The following CNTN4 variants were observed in gnomAD, a reference collection of about 807,000 sequenced individuals.
CNTN4 encodes the protein contactin 4.
In CNTN4, 77 loss-of-function variants were observed where a neutral mutation model predicts 122.5. That is an observed-to-expected ratio of 0.63 (90% CI 0.52 to 0.76). The LOEUF is 0.76. Among genes scored for constraint, CNTN4 ranks in the 30% least tolerant of loss-of-function variants. CNTN4 has a pLI of 0.00. For missense variants in CNTN4, 1,256 were observed against 1,259.1 expected, an observed-to-expected ratio of 1.00 and a Z score of 0.04; for synonymous variants, 512 against 447.0, an observed-to-expected ratio of 1.15 and a Z score of -1.83.
chr3:2,996,295 AT>A (rs1472085562), intron 14 of CNTN4, among the ~76,000 whole-genome samples: 1 of 152,196 alleles, frequency 6.6e-6, no homozygotes, highest in Non-Finnish European at 1.5e-5. Flanking sequence ...GTAGTTTTAT[AT>A]GTAAAATATT....
chr3:3,006,155 C>A (rs1696618953), intron 14 of CNTN4, among the ~76,000 whole-genome samples: 1 of 152,136 alleles, frequency 6.6e-6, no homozygotes, highest in South Asian at 2.1e-4. Flanking sequence ...GGATTACAGG[C>A]ATGAGCCACC....
intron 4 of CNTN4, among the ~76,000 whole-genome samples, chr3:2,598,726 G>A (rs1308858427): frequency 1.3e-5 from 2 of 152,174 alleles, no homozygotes; most frequent in African/African-American, 4.8e-5. Context: ...CAGCAGCTAA[G>A]CCTTCGCAAA....
At chr3:2,393,454 A>G (rs138686629) in intron 3 of CNTN4, among the ~76,000 whole-genome samples, 1 of 152,142 alleles carries the variant, frequency 6.6e-6, no homozygotes, top group African/African-American at 2.4e-5. Context: ...GTAATCAGTC[A>G]TTCCTTTTTA....
chr3:2,747,281 T>C (rs375168112), intron 6 of CNTN4, among the ~76,000 whole-genome samples: 12,107 of 149,796 alleles, frequency 0.081, 740 homozygotes, highest in African/African-American at 0.17. Flanking sequence ...CAGTGGCAGG[T>C]GCCTGTAGTC....
chr3:3,036,654 C>A (rs1699632795), intron 17 of CNTN4, among the ~76,000 whole-genome samples: 1 of 151,626 alleles, frequency 6.6e-6, no homozygotes, highest in African/African-American at 2.4e-5. Flanking sequence ...GTAGTCCCTG[C>A]TACTCAGGAG....
chr3:3,032,132 A>G (rs1289554414), intron 16 of CNTN4, among the ~76,000 whole-genome samples: 1 of 152,182 alleles, frequency 6.6e-6, no homozygotes, highest in African/African-American at 2.4e-5. Flanking sequence ...GCAACAGTGC[A>G]GACAAGGGCT....
chr3:2,368,375 C>T (rs1365558151), intron 3 of CNTN4, among the ~76,000 whole-genome samples: 5 of 152,042 alleles, frequency 3.3e-5, no homozygotes, highest in African/African-American at 9.7e-5. Flanking sequence ...TCTGTTTGAT[C>T]TGTGTTTTAG....
At chr3:2,551,995 T>A (rs2149366942) in intron 3 of CNTN4, among the ~76,000 whole-genome samples, 1 of 152,312 alleles carries the variant, frequency 6.6e-6, no homozygotes, top group African/African-American at 2.4e-5. Context: ...CAAGATACCT[T>A]TTCTTTCTTT....
intron 4 of CNTN4, among the ~76,000 whole-genome samples, chr3:2,728,156 T>C (rs957055083): frequency 2.0e-5 from 3 of 152,232 alleles, no homozygotes; most frequent in Admixed American, 6.5e-5. Context: ...ATTTCTACAA[T>C]CAGTGATTGA....
intron 2 of CNTN4, chr3:2,110,420 G>C (rs1490642845): frequency 6.6e-6 from 1 of 152,104 alleles, no homozygotes; most frequent in Non-Finnish European, 1.5e-5. Flanking sequence ...ATACTTAAAT[G>C]TTTTATATAT....
intron 4 of CNTN4, among the ~76,000 whole-genome samples, chr3:2,685,200 TA>T (rs2150528858): frequency 6.6e-6 from 1 of 152,232 alleles, no homozygotes; most frequent in South Asian, 2.1e-4. Flanking sequence ...GTAATGGGAA[TA>T]AAAAGGCAAG....
intron 3 of CNTN4, among the ~76,000 whole-genome samples, chr3:2,450,430 G>A (rs1282848541): frequency 6.6e-6 from 1 of 151,978 alleles, no homozygotes; most frequent in African/African-American, 2.4e-5. Flanking sequence ...TGTGTGTATA[G>A]GAGCTAGGAG....
chr3:2,634,685 A>AT (rs1176678424), intron 4 of CNTN4, among the ~76,000 whole-genome samples: 149 of 134,416 alleles, frequency 1.1e-3, no homozygotes, highest in African/African-American at 2.2e-3. Flanking sequence ...AGAAAAAAAA[A>AT]AAATATATAT....
intron 3 of CNTN4, among the ~76,000 whole-genome samples, chr3:2,558,722 C>T (rs550115952): frequency 1.7e-3 from 261 of 152,318 alleles, no homozygotes; most frequent in African/African-American, 6.0e-3. Context: ...ACTCACTATA[C>T]TCTTTTATGC....
At chr3:2,609,384 A>C (rs1278483134) in intron 4 of CNTN4, among the ~76,000 whole-genome samples, 1 of 152,122 alleles carries the variant, frequency 6.6e-6, no homozygotes, top group African/African-American at 2.4e-5. Flanking sequence ...CCAGACCTCA[A>C]ATTTGCCGGC....
At chr3:2,298,230 C>A (rs2042383136) in intron 2 of CNTN4, among the ~76,000 whole-genome samples, 1 of 152,008 alleles carries the variant, frequency 6.6e-6, no homozygotes, top group African/African-American at 2.4e-5. Context: ...TAATTTTAAC[C>A]TCCTCCTTTA....
intron 2 of CNTN4, among the ~76,000 whole-genome samples, chr3:2,274,519 C>CT (rs55959196): frequency 0.63 from 94,556 of 151,006 alleles, 30,944 homozygotes; most frequent in South Asian, 0.77. Context: ...TCCTTATTTG[C>CT]TTTTTTTTTC....
chr3:2,156,759 T>G (rs577406423), intron 2 of CNTN4, among the ~76,000 whole-genome samples: 1 of 152,210 alleles, frequency 6.6e-6, no homozygotes, highest in African/African-American at 2.4e-5. Flanking sequence ...GGCCCCAGTT[T>G]TGGTAGTTCT....
At position 2,968,150 on chromosome 3, in the gene CNTN4, G is replaced by A. The variant is rs1449835947; in HGVS notation, c.1359-20195G>A. 2.6e-5 allele frequency among the ~76,000 whole-genome samples: 4 copies of A among 152,174 alleles called. 1 individual carries two copies. The highest frequency in any genetic ancestry group is 9.7e-5 in the African/African-American group (4 of 41,436). On this transcript the variant is annotated intron_variant, in intron 13 of 24. Transcript: ENST00000418658. ...AAAATGGTTTGTCAGCAGCTGAACTGAGCACAGAATCTGTGGGCATGACCA... is the reference window on the plus strand; with the variant it reads ...AAAATGGTTTGTCAGCAGCTGAACTAAGCACAGAATCTGTGGGCATGACCA...
Sources: gnomAD v4.1 joint callset for allele counts (sites outside exome capture counted in the v4.1 genomes callset) on GRCh38, gnomAD v4.1.1 for gene constraint, MANE v1.5 for transcripts, NCBI Gene and HGNC (gene_info 2026-07-23, HGNC 2026-07-21) for gene names.